The following MYO5B variants were observed in gnomAD, a reference collection of about 807,000 sequenced individuals.
The protein encoded by MYO5B is myosin VB.
A neutral mutation model predicts 229.3 loss-of-function variants in MYO5B; 143 were observed. The observed-to-expected ratio is 0.62, with a 90% confidence interval of 0.54 to 0.72. The LOEUF is 0.72. MYO5B is among the 30% of genes least tolerant of loss of function. MYO5B has a pLI of 0.00. For missense variants in MYO5B, 2,321 were observed against 2,331.0 expected, an observed-to-expected ratio of 1.00 and a Z score of 0.09; for synonymous variants, 918 against 885.2, an observed-to-expected ratio of 1.04 and a Z score of -0.66.
intron 18 of MYO5B, among the ~76,000 whole-genome samples, chr18:49,911,345 G>A (rs2024955168): frequency 6.6e-6 from 1 of 152,222 alleles, no homozygotes; most frequent in Admixed American, 6.5e-5. Context: ...AAATGTTAGA[G>A]ATAGTTATAG....
At chr18:49,931,434 C>A (rs2025190175) in intron 16 of MYO5B, among the ~76,000 whole-genome samples, 1 of 152,216 alleles carries the variant, frequency 6.6e-6, no homozygotes, top group African/African-American at 2.4e-5. Flanking sequence ...TCCAACAGCC[C>A]ACGGCACTGA....
intron 2 of MYO5B, among the ~76,000 whole-genome samples, chr18:50,045,156 T>G (rs966363095): frequency 6.6e-6 from 1 of 152,170 alleles, no homozygotes; most frequent in Non-Finnish European, 1.5e-5. Flanking sequence ...GCCTAGTTTA[T>G]AGGAGTGACA....
At chr18:49,994,269 C>T (rs1479480987) in intron 5 of MYO5B, among the ~76,000 whole-genome samples, 1 of 152,212 alleles carries the variant, frequency 6.6e-6, no homozygotes, top group Non-Finnish European at 1.5e-5. Context: ...TGCTTCAGCA[C>T]AGACTCTGTA....
rs376149664 is a variant in MYO5B, at chr18:50,021,363, G to A, written c.455+15487C>T. Among the ~76,000 whole-genome samples the A allele has an allele frequency of 1.2e-4, 18 of 152,210 alleles. No homozygotes were observed. The South Asian group carries it at 1.9e-3, about 16-fold the overall frequency. On this transcript the variant is annotated intron_variant, in intron 4 of 39. Coordinates refer to ENST00000285039, the MANE Select transcript of MYO5B (RefSeq NM_001080467.3). The stretch of plus-strand genomic sequence containing the variant: ...CAGCAAGAACCCTGGAGTAAGAGGC[G>A]GGAGAACCAGGTTCCAGCACTAGTT...
rs147885447 is a variant in MYO5B at position 49,954,022 on chromosome 18, ATATGTGTGTGTG to A, written c.1668+279_1668+290del. Among the ~76,000 whole-genome samples the A allele has an allele frequency of 0.094, 12,159 of 129,666 alleles. 744 individuals carry two copies. The highest frequency in any genetic ancestry group is 0.14 in the South Asian group (535 of 3,798). 85.1% of individuals were successfully genotyped at this position (129,666 alleles called of 152,430 possible). ...CAGACATATATGTGTGTATGTATTT[ATATGTGTGTGTG>A]TGTGTGTGTGTGTGTGTGTGTGTGT... On this transcript the variant is annotated intron_variant, in intron 13 of 39. Coordinates refer to ENST00000285039, the MANE Select transcript of MYO5B (RefSeq NM_001080467.3).
At chr18:49,926,022 G>A (rs541526833) in intron 17 of MYO5B, among the ~76,000 whole-genome samples, 2 of 152,302 alleles carry the variant, frequency 1.3e-5, no homozygotes, top group East Asian at 3.9e-4. Flanking sequence ...AGCTATTTGT[G>A]TTCAGACCCT....
chr18:50,088,616 C>G (rs2031381846), intron 1 of MYO5B, among the ~76,000 whole-genome samples: 1 of 152,242 alleles, frequency 6.6e-6, no homozygotes, highest in Admixed American at 6.5e-5. Context: ...CTTTCAAGGA[C>G]TAGCTCAAGC....
At chr18:49,967,121 A>T (rs1187296274) in intron 10 of MYO5B, among the ~76,000 whole-genome samples, 2 of 152,184 alleles carry the variant, frequency 1.3e-5, no homozygotes, top group Non-Finnish European at 2.9e-5. Context: ...GTCAAAACAT[A>T]GAGTAAGAAT....
chr18:50,034,469 C>T (rs1328485602), intron 4 of MYO5B, among the ~76,000 whole-genome samples: 2 of 152,202 alleles, frequency 1.3e-5, no homozygotes, highest in African/African-American at 4.8e-5. Flanking sequence ...CTCAGTCGTG[C>T]GTGGTGGCTC....
chr18:50,165,797 G>GGAAA (rs1361678587), intron 1 of MYO5B, among the ~76,000 whole-genome samples: 1 of 151,046 alleles, frequency 6.6e-6, no homozygotes, highest in East Asian at 2.0e-4. Flanking sequence ...AAGGAAGGAA[G>GGAAA]GAAGGAAGGA....
intron 3 of MYO5B, among the ~76,000 whole-genome samples, chr18:50,039,308 G>C (rs955584377): frequency 6.6e-6 from 1 of 152,132 alleles, no homozygotes; most frequent in Non-Finnish European, 1.5e-5. Context: ...ATATAGGAAA[G>C]GAGAAGTTTA....
At chr18:50,014,760 T>C (rs534177306) in intron 4 of MYO5B, among the ~76,000 whole-genome samples, 1 of 152,282 alleles carries the variant, frequency 6.6e-6, no homozygotes, top group South Asian at 2.1e-4. Context: ...CCTACAAACA[T>C]CTCGGCCCCA....
rs1362277636 is a variant in MYO5B, at chr18:50,194,945, G to C, written c.-152C>G. ...GACCTGCCCCGCCGGCTTCCCGCAGGCGCCGCGGCCGGCTCGCTCCCGGCG... is the reference window on the plus strand; with the variant it reads ...GACCTGCCCCGCCGGCTTCCCGCAGCCGCCGCGGCCGGCTCGCTCCCGGCG... On this transcript the variant is annotated 5_prime_UTR_variant, in exon 1 of 40. Transcript: ENST00000285039. The C allele has an allele frequency of 1.1e-5, 12 of 1,124,652 alleles. No homozygotes were observed. The highest frequency in any genetic ancestry group is 1.1e-5 in the Non-Finnish European group (10 of 898,770). 69.7% of individuals were successfully genotyped at this position (1,124,652 alleles called of 1,614,324 possible). A position where few individuals can be genotyped will look rare whatever the true frequency, so the allele number is the denominator to read the frequency against.
chr18:49,997,530 T>C (rs2026002946), intron 5 of MYO5B, among the ~76,000 whole-genome samples: 2 of 151,830 alleles, frequency 1.3e-5, no homozygotes, highest in Non-Finnish European at 2.9e-5. Flanking sequence ...CCCCAAGAAA[T>C]GATGTGATAT....
intron 22 of MYO5B, among the ~76,000 whole-genome samples, 183 bp downstream of exon 22, chr18:49,894,758 G>C (rs1014568741): frequency 6.6e-6 from 1 of 152,250 alleles, no homozygotes; most frequent in African/African-American, 2.4e-5. Flanking sequence ...GCGCAGTCAT[G>C]CTTGTGTGGG....
chr18:50,011,608 C>CT (rs1491337404), intron 4 of MYO5B, among the ~76,000 whole-genome samples: 1 of 152,052 alleles, frequency 6.6e-6, no homozygotes, highest in East Asian at 1.9e-4. Context: ...AATCTGGGAA[C>CT]TGCCCGTGAC....
At chr18:50,051,280 G>A (rs897482908) in intron 2 of MYO5B, among the ~76,000 whole-genome samples, 6 of 152,078 alleles carry the variant, frequency 3.9e-5, no homozygotes, top group Non-Finnish European at 7.3e-5. Context: ...ATACTGAGAC[G>A]GTAGAGTGTG....
At chr18:50,153,173 T>G (rs2032626391) in intron 1 of MYO5B, among the ~76,000 whole-genome samples, 1 of 152,210 alleles carries the variant, frequency 6.6e-6, no homozygotes. Flanking sequence ...CCCAGTAAGA[T>G]GTGGCACGTT....
chr18:49,920,063 G>A (rs1313894231), intron 17 of MYO5B, among the ~76,000 whole-genome samples: 1 of 152,126 alleles, frequency 6.6e-6, no homozygotes, highest in Non-Finnish European at 1.5e-5. Flanking sequence ...AGACACAAAA[G>A]GACACATATT....
Sources: allele counts gnomAD v4.1 joint callset (sites outside exome capture counted in the v4.1 genomes callset), GRCh38; gene constraint gnomAD v4.1.1; transcripts MANE v1.5; gene names NCBI Gene and HGNC (gene_info 2026-07-23, HGNC 2026-07-21).